EPHA7: variants seen among roughly 807,000 people sequenced by gnomAD.
The protein encoded by EPHA7 is EPH receptor A7.
EPHA7 carries 25 observed loss-of-function variants against 112.6 expected under a neutral mutation model. That is an observed-to-expected ratio of 0.22 (90% CI 0.16 to 0.31). The LOEUF (loss-of-function observed/expected upper bound fraction) is 0.31, where lower values mean the gene tolerates loss of function less well. Among genes scored for constraint, EPHA7 ranks in the 10% least tolerant of loss-of-function variants. The pLI is 1.00. For missense variants in EPHA7, 962 were observed against 1,212.6 expected, an observed-to-expected ratio of 0.79 and a Z score of 3.07; for synonymous variants, 437 against 406.5, an observed-to-expected ratio of 1.07 and a Z score of -0.90.
intron 5 of EPHA7, among the ~76,000 whole-genome samples, chr6:93,342,483 A>C (rs1350075953): frequency 6.6e-6 from 1 of 151,858 alleles, no homozygotes. Context: ...CAAGTGATGA[A>C]TTAATAAGTT....
chr6:93,371,517 A>AGCG (rs1562132802), intron 3 of EPHA7, among the ~76,000 whole-genome samples: 1 of 152,198 alleles, frequency 6.6e-6, no homozygotes, highest in Non-Finnish European at 1.5e-5. Context: ...CTGAGAGGCA[A>AGCG]CTGTAATGAC....
intron 5 of EPHA7, among the ~76,000 whole-genome samples, chr6:93,306,299 A>T (rs890363840): frequency 2.6e-5 from 4 of 152,000 alleles, no homozygotes; most frequent in Admixed American, 6.5e-5. Flanking sequence ...GGGTACAATA[A>T]TGTTAGCTTC....
At chr6:93,330,994 C>T (rs531932582) in intron 5 of EPHA7, among the ~76,000 whole-genome samples, 2 of 151,508 alleles carry the variant, frequency 1.3e-5, no homozygotes, top group Admixed American at 1.3e-4. Context: ...CATTTCTTAA[C>T]TGGCTTTTCA....
chr6:93,267,314 T>A (rs1770991835), intron 7 of EPHA7, among the ~76,000 whole-genome samples: 1 of 151,730 alleles, frequency 6.6e-6, no homozygotes, highest in South Asian at 2.1e-4. Flanking sequence ...ATATTTAACT[T>A]AAACCTCAGA....
chr6:93,364,122 C>T (rs1418705180), intron 3 of EPHA7, among the ~76,000 whole-genome samples: 4 of 151,972 alleles, frequency 2.6e-5, no homozygotes, highest in African/African-American at 7.2e-5. Flanking sequence ...AAATGATTTG[C>T]GGTGACAGTT....
At chr6:93,329,599 A>G (rs1774489965) in intron 5 of EPHA7, among the ~76,000 whole-genome samples, 1 of 151,302 alleles carries the variant, frequency 6.6e-6, no homozygotes, top group South Asian at 2.1e-4. Flanking sequence ...TACTTTTTTT[A>G]AAAAAGGAGA....
At position 93,254,514 on chromosome 6, in the gene EPHA7, T is replaced by C. The variant is rs532712823; in HGVS notation, c.2532+133A>G. 1.1e-5 allele frequency: 6 copies of C among 534,006 alleles called. No individual in the cohort carries two copies. In the East Asian group the frequency reaches 1.9e-4, roughly 17 times the overall value. The allele number at this position is 534,006 out of a possible 1,614,324, so 33.1% of individuals were successfully genotyped here. On this transcript the variant is annotated intron_variant, in intron 14 of 16. Coordinates refer to ENST00000369303, the MANE Select transcript of EPHA7 (RefSeq NM_004440.4). ...AACCACTAATTTATGGTAATTAGTG[T>C]GGTAGTAATTGTGGAAAACTGTATT...
chr6:93,352,755 A>G (rs1757043557), intron 5 of EPHA7, among the ~76,000 whole-genome samples: 2 of 152,130 alleles, frequency 1.3e-5, no homozygotes, highest in Admixed American at 1.3e-4. Flanking sequence ...CTACACAGCC[A>G]CAAAAAAGAA....
At chr6:93,288,398 G>A (rs1012872292) in intron 5 of EPHA7, among the ~76,000 whole-genome samples, 2 of 152,136 alleles carry the variant, frequency 1.3e-5, no homozygotes. Flanking sequence ...CCTAGGTCTA[G>A]GGGTGAGAAT....
intron 10 of EPHA7, among the ~76,000 whole-genome samples, chr6:93,258,949 T>C (rs1361553534): frequency 2.6e-5 from 4 of 151,844 alleles, no homozygotes; most frequent in Non-Finnish European, 5.9e-5. Flanking sequence ...CAATGGCTAA[T>C]ACCTACAAAT....
chr6:93,410,464 A>T lies in EPHA7; in HGVS notation c.832+37T>A, dbSNP rs374849548. 20 of 1,554,566 alleles carry T rather than the reference A, an allele frequency of 1.3e-5. No homozygotes were observed. In the African/African-American group the frequency reaches 2.5e-4, roughly 19 times the overall value. On this transcript the variant is annotated intron_variant, in intron 3 of 16. Transcript: ENST00000369303. This position sits in a 1 kb window ranked among gnomAD's most constrained non-coding sequence, Gnocchi z 4.0. ...AAAATGTCTGATACTGAAATTTAAAAAGGCAAAGTGGAGTTTTAATAGGAC... is the reference window on the plus strand; with the variant it reads ...AAAATGTCTGATACTGAAATTTAAATAGGCAAAGTGGAGTTTTAATAGGAC...
chr6:93,316,303 TAACA>T lies in EPHA7; in HGVS notation c.1324+40410_1324+40413del, dbSNP rs765686735. Among the ~76,000 whole-genome samples the T allele has an allele frequency of 3.9e-5, 6 of 152,296 alleles. No individual in the cohort carries two copies. In the South Asian group the frequency reaches 8.3e-4, roughly 21 times the overall value. On this transcript the variant is annotated intron_variant, in intron 5 of 16. Coordinates refer to ENST00000369303, the MANE Select transcript of EPHA7 (RefSeq NM_004440.4). ...CAATAACACCCCCTTTCTAACTTCC[TAACA>T]GTGTTTAAAATTGTATCATTTTAAG...
Position 93,243,532 on chromosome 6 carries a change from A to AT in EPHA7, c.2890dup (p.Met964AsnfsTer43). 1 of 1,612,228 alleles carries AT rather than the reference A, an allele frequency of 6.2e-7. No individual in the cohort carries two copies. Among genetic ancestry groups the AT allele is most frequent in the Non-Finnish European group, 8.5e-7 (1 of 1,178,424 alleles). ...ACCAACCAGTGTGATCCCTAAACTC[A>AT]TCACATCCCTGAAAAAGACAAATGC... On this transcript the variant is annotated frameshift_variant, in exon 17 of 17. Transcript: ENST00000369303. LOFTEE classifies it high-confidence loss of function.
chr6:93,265,096 C>T (rs1441311549), intron 7 of EPHA7, among the ~76,000 whole-genome samples: 1 of 151,522 alleles, frequency 6.6e-6, no homozygotes, highest in Non-Finnish European at 1.5e-5. Context: ...GAAATCAGAA[C>T]CAAAATACAT....
intron 5 of EPHA7, among the ~76,000 whole-genome samples, chr6:93,330,313 C>G (rs1774528759): frequency 6.6e-6 from 1 of 151,258 alleles, no homozygotes; most frequent in Non-Finnish European, 1.5e-5. Context: ...TCAGAATCCT[C>G]TCTTCTAGCT....
At chr6:93,246,653 C>T (rs1038882795) in intron 15 of EPHA7, 139 bp downstream of exon 15, 11 of 608,662 alleles carry the variant, frequency 1.8e-5, no homozygotes, top group Non-Finnish European at 2.4e-5. Context: ...AAATAAACTT[C>T]AGTAAATGCA....
chr6:93,288,043 A>G (rs994911460), intron 5 of EPHA7, among the ~76,000 whole-genome samples: 3 of 152,184 alleles, frequency 2.0e-5, no homozygotes, highest in Admixed American at 2.0e-4. Context: ...AGTTAAATAT[A>G]AAGTTACCAT....
At chr6:93,324,660 G>A (rs72914243) in intron 5 of EPHA7, among the ~76,000 whole-genome samples, 5,698 of 151,462 alleles carry the variant, frequency 0.038, 214 homozygotes, top group Admixed American at 0.061. Flanking sequence ...ACAGCAAGTA[G>A]GGGAATTCCA....
intron 5 of EPHA7, among the ~76,000 whole-genome samples, chr6:93,297,780 C>A (rs922665376): frequency 6.6e-6 from 1 of 152,174 alleles, no homozygotes; most frequent in African/African-American, 2.4e-5. Context: ...ATCTCCAAGT[C>A]TGCACCAAGA....
Sources: allele counts gnomAD v4.1 joint callset (sites outside exome capture counted in the v4.1 genomes callset), GRCh38; gene constraint gnomAD v4.1.1; non-coding constraint Gnocchi (gnomAD v3.1); transcripts MANE v1.5; gene names NCBI Gene and HGNC (gene_info 2026-07-23, HGNC 2026-07-21).